Variants in GRIA3 observed in about 807,000 individuals in gnomAD.
The protein encoded by GRIA3 is glutamate ionotropic receptor AMPA type subunit 3.
In GRIA3, 3 loss-of-function variants were observed where a neutral mutation model predicts 63.0. That is an observed-to-expected ratio of 0.05 (90% confidence interval 0.02 to 0.12). GRIA3 has a LOEUF of 0.12. GRIA3 is among the 10% of genes least tolerant of loss of function. The probability of loss-of-function intolerance (pLI) is 1.00; values close to 1 mark genes in which losing one functional copy is unlikely to be tolerated. For missense variants in GRIA3, 347 were observed against 700.9 expected (o/e 0.50, Z 5.70); for synonymous variants, 274 against 257.9 (o/e 1.06, Z -0.60).
chrX:123,430,938 T>C (rs763839254), intron 12 of GRIA3, among the ~76,000 whole-genome samples: 13 of 110,358 alleles, frequency 1.2e-4, no homozygotes, highest in Non-Finnish European at 2.3e-4. Context: ...AGCTGAGATC[T>C]TGCCACAACA....
At chrX:123,357,518 C>T (rs984450064) in intron 5 of GRIA3, among the ~76,000 whole-genome samples, 2 of 106,944 alleles carry the variant, frequency 1.9e-5, no homozygotes, top group Non-Finnish European at 3.8e-5. Flanking sequence ...TGCACAATAA[C>T]CACACCAGGA....
rs529897200 is a variant in GRIA3, at chrX:123,418,844, G to C, written c.1877+1066G>C. Among the ~76,000 whole-genome samples, 7 of 112,170 alleles carry C rather than the reference G, an allele frequency of 6.2e-5. No individual in the cohort carries two copies. In the South Asian group the frequency reaches 2.6e-3, roughly 41 times the overall value. On this transcript the variant is annotated intron_variant, in intron 11 of 15. Coordinates refer to ENST00000620443, the MANE Select transcript of GRIA3 (RefSeq NM_007325.5). ...AGCCACATTGGAAAATAGCTTGGCA[G>C]TTTCTTATCAAGTAAGATAAATACT... is the stretch of plus-strand genomic sequence containing the variant.
intron 6 of GRIA3, among the ~76,000 whole-genome samples, chrX:123,396,101 G>A (rs769747898): frequency 9.2e-5 from 10 of 108,255 alleles, no homozygotes; most frequent in African/African-American, 3.4e-4. Context: ...AGACACTTGG[G>A]TGGCGGAGGC....
intron 12 of GRIA3, among the ~76,000 whole-genome samples, chrX:123,430,144 A>G (rs991132639): frequency 1.8e-5 from 2 of 112,353 alleles, no homozygotes; most frequent in Non-Finnish European, 3.8e-5. Flanking sequence ...TTGAATCAAC[A>G]TTTAATTCTG....
chrX:123,359,889 T>C (rs2045157854), intron 5 of GRIA3, among the ~76,000 whole-genome samples: 1 of 111,882 alleles, frequency 8.9e-6, no homozygotes, highest in Admixed American at 9.4e-5. Flanking sequence ...TTGGAGACAA[T>C]TGCTGACCCT....
intron 6 of GRIA3, among the ~76,000 whole-genome samples, chrX:123,396,305 T>C (rs1216843700): frequency 1.8e-5 from 2 of 109,997 alleles, no homozygotes; most frequent in Non-Finnish European, 3.8e-5. Context: ...GTACCATCTA[T>C]GCAGCTCCAC....
At chrX:123,282,743 T>A (rs2044593599) in intron 3 of GRIA3, among the ~76,000 whole-genome samples, 1 of 112,206 alleles carries the variant, frequency 8.9e-6, no homozygotes, top group Non-Finnish European at 1.9e-5. Flanking sequence ...CTGTCTCTAC[T>A]AAAAATATAA....
chrX:123,473,550 T>C lies in GRIA3; in HGVS notation c.2325-6513T>C, dbSNP rs373495897. 5.4e-5 allele frequency among the ~76,000 whole-genome samples: 6 copies of C among 111,410 alleles called. No homozygotes were observed. In the East Asian group the frequency reaches 1.7e-3, roughly 31 times the overall value. ...GAATGCTAGAGAAGCAAGTGAGTGA[T>C]TGGGAAAGATGCTTTGCCATCATGA... On this transcript the variant is annotated intron_variant, in intron 13 of 15. Transcript: ENST00000620443.
chrX:123,307,917 A>T (rs761398663), intron 3 of GRIA3, among the ~76,000 whole-genome samples: 1 of 110,708 alleles, frequency 9.0e-6, no homozygotes, highest in South Asian at 4.0e-4. Context: ...AGTAGTGTTG[A>T]TTTTCCCTGG....
At chrX:123,185,795 G>T (rs1391317056) in intron 1 of GRIA3, 37 bp from the exon 2 acceptor site, 2 of 1,189,413 alleles carry the variant, frequency 1.7e-6, no homozygotes, top group Non-Finnish European at 2.3e-6. Flanking sequence ...CTAGTGTGGG[G>T]GAACACAAGC....
chrX:123,465,983 C>A (rs373631858), intron 13 of GRIA3, among the ~76,000 whole-genome samples: 1 of 111,965 alleles, frequency 8.9e-6, no homozygotes, highest in Admixed American at 9.4e-5. Context: ...TGGGTCCCTT[C>A]TTCAACTCCC....
intron 4 of GRIA3, among the ~76,000 whole-genome samples, chrX:123,332,111 G>C (rs1226254773): frequency 9.0e-6 from 1 of 111,383 alleles, no homozygotes; most frequent in Non-Finnish European, 1.9e-5. Context: ...CAAAGTCTGA[G>C]AGTTGGGCTA....
chrX:123,268,899 T>C (rs1236353685), intron 3 of GRIA3, among the ~76,000 whole-genome samples: 1 of 112,573 alleles, frequency 8.9e-6, no homozygotes, highest in Admixed American at 9.4e-5. Flanking sequence ...GGCATAGTGA[T>C]GTAAGCTAAA....
chrX:123,343,352 T>G (rs1179686864), intron 4 of GRIA3, among the ~76,000 whole-genome samples: 1 of 111,321 alleles, frequency 9.0e-6, no homozygotes, highest in Non-Finnish European at 1.9e-5. Context: ...TTCTTTTTTC[T>G]CCAGTGGAAA....
intron 5 of GRIA3, among the ~76,000 whole-genome samples, chrX:123,385,831 T>C (rs1051765713): frequency 8.9e-6 from 1 of 112,203 alleles, no homozygotes; most frequent in African/African-American, 3.2e-5. Flanking sequence ...CACTTGTTCA[T>C]TGATGAACAC....
rs912145663 is a variant in GRIA3 at position 123,316,264 on chromosome X, C to T, written c.509-9762C>T. ...ACAAAGGAAATAAACAGGCAGTACT[C>T]GAAATGATGAATAAACATGGACAAA... is the stretch of plus-strand genomic sequence containing the variant. On this transcript the variant is annotated intron_variant, in intron 3 of 15. Transcript: ENST00000620443. 4.5e-5 allele frequency among the ~76,000 whole-genome samples: 5 copies of T among 110,812 alleles called. No homozygotes were observed. The East Asian group carries it at 8.4e-4, about 19-fold the overall frequency.
At chrX:123,385,161 G>A (rs1378571154) in intron 5 of GRIA3, among the ~76,000 whole-genome samples, 1 of 111,713 alleles carries the variant, frequency 9.0e-6, no homozygotes, top group Non-Finnish European at 1.9e-5. Context: ...AATCCATCTT[G>A]AGTTGATTTT....
intron 13 of GRIA3, 28 bp downstream of exon 13, chrX:123,465,140 T>C (rs2045827913): frequency 1.7e-6 from 2 of 1,185,675 alleles, no homozygotes; most frequent in Non-Finnish European, 2.3e-6. Context: ...ACAATATCCG[T>C]GTTGTTATAG....
intron 5 of GRIA3, among the ~76,000 whole-genome samples, chrX:123,355,551 T>A (rs1417555923): frequency 1.8e-5 from 2 of 112,479 alleles, no homozygotes; most frequent in Admixed American, 1.9e-4. Flanking sequence ...TACATTTTCT[T>A]TCTCTGGAAG....
Sources: allele counts gnomAD v4.1 joint callset (sites outside exome capture counted in the v4.1 genomes callset), GRCh38; gene constraint gnomAD v4.1.1; transcripts MANE v1.5; gene names NCBI Gene and HGNC (gene_info 2026-07-23, HGNC 2026-07-21).